PLAC8: variants seen among roughly 807,000 people sequenced by gnomAD.
PLAC8 encodes placenta-specific gene 8 protein.
Under a neutral mutation model 12.6 loss-of-function variants are expected in PLAC8, and 6 were observed. That is an observed-to-expected ratio of 0.48 (90% confidence interval 0.26 to 0.94). The LOEUF (loss-of-function observed/expected upper bound fraction) is 0.94, where lower values mean the gene tolerates loss of function less well. PLAC8 is among the 40% of genes least tolerant of loss of function. The pLI is 0.14. For synonymous variants in PLAC8, 54 were observed against 52.6 expected, an observed-to-expected ratio of 1.03 and a Z score of -0.11; for missense variants, 122 against 152.7, an observed-to-expected ratio of 0.80 and a Z score of 1.06.
At chr4:83,091,515 A>G (rs1386688257) in intron 4 of PLAC8, among the ~76,000 whole-genome samples, 1 of 152,192 alleles carries the variant, frequency 6.6e-6, no homozygotes, top group African/African-American at 2.4e-5. Flanking sequence ...GCAAACTATC[A>G]ATATGACTTA....
intron 2 of PLAC8, among the ~76,000 whole-genome samples, chr4:83,105,936 G>T (rs1036646190): frequency 6.6e-6 from 1 of 152,078 alleles, no homozygotes; most frequent in Non-Finnish European, 1.5e-5. Context: ...CAACACAATT[G>T]TTTCATTCCC....
In PLAC8 at chr4:83,112,223, T is replaced by C. The variant is rs994435846; in HGVS notation, c.-30+2443A>G. Among the ~76,000 whole-genome samples, 267 of 142,694 alleles carry C rather than the reference T, an allele frequency of 1.9e-3. 3 individuals are homozygous for C. The highest frequency in any genetic ancestry group is 3.6e-3 in the Non-Finnish European group (241 of 66,456). The allele number at this position is 142,694 out of a possible 152,430, so 93.6% of individuals were successfully genotyped here. ...ATATATGTATATATATATATGTATA[T>C]ATATATATATATATGTATCAGCTGT... is the stretch of plus-strand genomic sequence containing the variant. On this transcript the variant is annotated intron_variant, in intron 1 of 4. Transcript: ENST00000311507.
At chr4:83,108,886 C>T (rs549000120) in intron 1 of PLAC8, among the ~76,000 whole-genome samples, 5 of 152,332 alleles carry the variant, frequency 3.3e-5, no homozygotes, top group African/African-American at 1.2e-4. Flanking sequence ...GATGAGCAAT[C>T]CTTTCCAGTC....
chr4:83,102,959 A>G (rs893920546), intron 3 of PLAC8, among the ~76,000 whole-genome samples: 5 of 151,034 alleles, frequency 3.3e-5, no homozygotes, highest in Admixed American at 1.3e-4. Context: ...AGTGGCGGGC[A>G]CCTGTAATCC....
intron 1 of PLAC8, among the ~76,000 whole-genome samples, chr4:83,111,010 G>A (rs1278311827): frequency 6.6e-6 from 1 of 152,160 alleles, no homozygotes; most frequent in Non-Finnish European, 1.5e-5. Context: ...TGTCCAGGCA[G>A]GAGTGCAATG....
At chr4:83,106,321 C>G (rs1458712098) in intron 2 of PLAC8, among the ~76,000 whole-genome samples, 2 of 151,620 alleles carry the variant, frequency 1.3e-5, no homozygotes, top group African/African-American at 4.8e-5. Context: ...TTATCACATT[C>G]AAAGTTCAAT....
At chr4:83,097,644 C>T (rs1276425171) in intron 3 of PLAC8, among the ~76,000 whole-genome samples, 3 of 152,094 alleles carry the variant, frequency 2.0e-5, no homozygotes, top group Non-Finnish European at 4.4e-5. Flanking sequence ...ATGTCCTAGG[C>T]TCCACCCCTA....
Position 83,097,860 on chromosome 4 carries a change from G to T in PLAC8, c.244-3069C>A, listed in dbSNP as rs1209562211. ...AATGTAATTTTGTCTAGTTTTGAGG[G>T]TTTTTTTTTTTTTTTTTGAGATGGA... On this transcript the variant is annotated intron_variant, in intron 3 of 4. Coordinates refer to ENST00000311507, the MANE Select transcript of PLAC8 (RefSeq NM_016619.3). 1.7e-3 allele frequency among the ~76,000 whole-genome samples: 229 copies of T among 131,120 alleles called. 2 individuals carry two copies. Among genetic ancestry groups the T allele is most frequent in the African/African-American group, 6.0e-3 (215 of 35,898 alleles). The allele number at this position is 131,120 out of a possible 152,430, so 86.0% of individuals were successfully genotyped here. A position where few individuals can be genotyped will look rare whatever the true frequency, so the allele number is the denominator to read the frequency against.
chr4:83,091,415 T>G (rs956353729), intron 4 of PLAC8, among the ~76,000 whole-genome samples: 1 of 152,194 alleles, frequency 6.6e-6, no homozygotes, highest in Non-Finnish European at 1.5e-5. Flanking sequence ...GTTTGTCTGA[T>G]GTTTTTCTCA....
intron 3 of PLAC8, among the ~76,000 whole-genome samples, chr4:83,101,386 A>G (rs993912805): frequency 6.6e-6 from 1 of 152,202 alleles, no homozygotes; most frequent in African/African-American, 2.4e-5. Flanking sequence ...ATCTCAAAAC[A>G]AAAACAAAAA....
intron 3 of PLAC8, among the ~76,000 whole-genome samples, chr4:83,098,872 G>T (rs1427170466): frequency 6.6e-6 from 1 of 151,620 alleles, no homozygotes; most frequent in Admixed American, 6.6e-5. Flanking sequence ...TATAAATTAT[G>T]TCTCTTTCTA....
At chr4:83,091,061 C>T (rs371680575) in intron 4 of PLAC8, 90 bp from the exon 5 acceptor site, 43 of 152,162 alleles carry the variant, frequency 2.8e-4, no homozygotes, top group Admixed American at 7.2e-4. Flanking sequence ...TTTTGATTGA[C>T]GGAAAAGTTG....
intron 3 of PLAC8, among the ~76,000 whole-genome samples, chr4:83,103,317 C>A (rs1181740472): frequency 2.0e-5 from 3 of 148,624 alleles, no homozygotes; most frequent in Non-Finnish European, 4.5e-5. Context: ...ATCGCTTGAA[C>A]CTGGGAGGCG....
At chr4:83,114,315 A>G (rs901100340) in intron 1 of PLAC8, among the ~76,000 whole-genome samples, 2 of 152,244 alleles carry the variant, frequency 1.3e-5, no homozygotes, top group Non-Finnish European at 2.9e-5. Flanking sequence ...GACCGGCATA[A>G]GTCAACATGC....
At chr4:83,102,651 A>G (rs1732131874) in intron 3 of PLAC8, among the ~76,000 whole-genome samples, 1 of 152,232 alleles carries the variant, frequency 6.6e-6, no homozygotes, top group African/African-American at 2.4e-5. Flanking sequence ...TGAGGTGTTC[A>G]AGACTTCAGT....
At chr4:83,093,643 T>C (rs1160848511) in intron 4 of PLAC8, 1 of 152,220 alleles carries the variant, frequency 6.6e-6, no homozygotes, top group Non-Finnish European at 1.5e-5. Context: ...CAAGATGTGA[T>C]CTTTTCCTCC....
At chr4:83,110,651 A>C (rs1223522248) in intron 1 of PLAC8, among the ~76,000 whole-genome samples, 1 of 152,198 alleles carries the variant, frequency 6.6e-6, no homozygotes, top group African/African-American at 2.4e-5. Flanking sequence ...GGTGCATAGC[A>C]AACAGTGGCG....
chr4:83,093,462 TC>T (rs2126139500), intron 4 of PLAC8: 1 of 152,338 alleles, frequency 6.6e-6, no homozygotes, highest in South Asian at 2.1e-4. Context: ...TATTATGCCA[TC>T]CCTTGTCATC....
chr4:83,100,143 T>C lies in PLAC8; in HGVS notation c.243+4753A>G, dbSNP rs186112860. Reference sequence around the variant, plus strand: ...AAAAATACAAAAAAATAGCCAGGCGTGGTGGCGGGCTCCTGTAGTCCCAGC... The same window carrying C: ...AAAAATACAAAAAAATAGCCAGGCGCGGTGGCGGGCTCCTGTAGTCCCAGC... On this transcript the variant is annotated intron_variant, in intron 3 of 4. Coordinates refer to ENST00000311507, the MANE Select transcript of PLAC8 (RefSeq NM_016619.3). Among the ~76,000 whole-genome samples the C allele has an allele frequency of 1.2e-3, 183 of 151,602 alleles. 1 individual carries two copies. The highest frequency in any genetic ancestry group is 4.0e-3 in the African/African-American group (165 of 41,288).
Sources: allele counts gnomAD v4.1 joint callset (sites outside exome capture counted in the v4.1 genomes callset), GRCh38; gene constraint gnomAD v4.1.1; transcripts MANE v1.5; gene names NCBI Gene and HGNC (gene_info 2026-07-23, HGNC 2026-07-21).